DZIP1L: variants seen among roughly 807,000 people sequenced by gnomAD.
DZIP1L encodes the protein cilium assembly protein DZIP1L.
A neutral mutation model predicts 88.7 loss-of-function variants in DZIP1L; 90 were observed. The observed-to-expected ratio is 1.02, with a 90% CI of 0.86 to 1.21. DZIP1L has a LOEUF of 1.21. Ranked by LOEUF, DZIP1L falls within the 50% of genes most tolerant of loss-of-function variation. DZIP1L has a pLI of 0.00. For synonymous variants in DZIP1L, 363 were observed against 372.1 expected (o/e 0.98, Z 0.28); for missense variants, 932 against 955.8 (o/e 0.98, Z 0.33).
intron 5 of DZIP1L, among the ~76,000 whole-genome samples, chr3:138,089,488 G>A (rs1282774133): frequency 6.6e-6 from 1 of 152,154 alleles, no homozygotes; most frequent in Non-Finnish European, 1.5e-5. Context: ...AGGTAATGTA[G>A]CCAAAGTAAG....
Position 138,080,949 on chromosome 3 carries a change from C to T in DZIP1L, c.1235-329G>A, listed in dbSNP as rs75026998. 8.3e-3 allele frequency among the ~76,000 whole-genome samples: 1,262 copies of T among 152,228 alleles called. 18 individuals are homozygous for T. Among genetic ancestry groups the T allele is most frequent in the African/African-American group, 0.029 (1,186 of 41,518 alleles). On this transcript the variant is annotated intron_variant, in intron 9 of 15. Coordinates refer to ENST00000327532, the MANE Select transcript of DZIP1L (RefSeq NM_173543.3). Reference sequence around the variant, plus strand: ...CTGAAGTGGCTGGGGAAGGGTGTGGCACATGTCTATTATCAATGGCTCTGC... The same window carrying T: ...CTGAAGTGGCTGGGGAAGGGTGTGGTACATGTCTATTATCAATGGCTCTGC...
In DZIP1L at chr3:138,095,169, A is replaced by G. The variant is rs571877214; in HGVS notation, c.587-186T>C. 2.5e-4 allele frequency among the ~76,000 whole-genome samples: 38 copies of G among 152,386 alleles called. No homozygotes were observed. The South Asian group carries it at 7.0e-3, about 28-fold the overall frequency. On this transcript the variant is annotated intron_variant, in intron 3 of 15. Transcript: ENST00000327532. ...CCCCAAACTGGAAAATAGAGATAAC[A>G]ATAGCACCTAACTCAGAGGGCTGCT...
At chr3:138,102,161 G>A (rs1414095664) in intron 2 of DZIP1L, 4 of 1,376,300 alleles carry the variant, frequency 2.9e-6, no homozygotes, top group African/African-American at 1.4e-5. Context: ...TGTCCAGGGA[G>A]TGACTGTTGT....
intron 14 of DZIP1L, among the ~76,000 whole-genome samples, chr3:138,066,609 G>C (rs1163604918): frequency 6.6e-6 from 1 of 152,006 alleles, no homozygotes; most frequent in Non-Finnish European, 1.5e-5. Context: ...TCCCTCATCA[G>C]TGCTGTGAGG....
intron 10 of DZIP1L, among the ~76,000 whole-genome samples, chr3:138,078,810 C>G (rs547642404): frequency 6.6e-6 from 1 of 152,356 alleles, no homozygotes; most frequent in Non-Finnish European, 1.5e-5. Flanking sequence ...ACCTGCGGAG[C>G]TTTAAATGCT....
intron 7 of DZIP1L, among the ~76,000 whole-genome samples, chr3:138,085,257 G>C (rs1029594617): frequency 1.3e-5 from 2 of 152,092 alleles, no homozygotes; most frequent in African/African-American, 4.8e-5. Context: ...TTGACAAATG[G>C]GATCTAATTA....
chr3:138,087,599 A>G (rs1052702253), intron 6 of DZIP1L, among the ~76,000 whole-genome samples: 3 of 152,252 alleles, frequency 2.0e-5, no homozygotes, highest in Non-Finnish European at 4.4e-5. Context: ...AAAAGCAGGC[A>G]AAGAATGTGA....
rs761409752 is a variant in DZIP1L at position 138,103,649 on chromosome 3, A to G, written c.323T>C (p.Val108Ala). The change falls in exon 2 of 16, where the codon GTT becomes GCT. Residue 108 changes from valine to alanine, a missense_variant. Physicochemically the swap from Val to Ala is moderately conservative, Grantham distance 64. Coordinates refer to ENST00000327532, the MANE Select transcript of DZIP1L (RefSeq NM_173543.3). The stretch of plus-strand genomic sequence containing the variant: ...CTGCAGCCGTGCCTCCAGCTGGGCA[A>G]CACTGGCACTCAGGCAATCCTGGCA... Reference protein sequence around the residue: ...LHCQDCLSASVAQLEARLQTS... With the variant: ...LHCQDCLSASAAQLEARLQTS... 10 of 1,608,524 alleles carry G rather than the reference A, an allele frequency of 6.2e-6. No homozygotes were observed. In the Admixed American group the frequency reaches 1.7e-4, roughly 27 times the overall value.
intron 14 of DZIP1L, 148 bp downstream of exon 14, chr3:138,067,383 C>A (rs1192448641): frequency 1.5e-5 from 13 of 883,940 alleles, no homozygotes; most frequent in Non-Finnish European, 1.9e-5. Flanking sequence ...CGAAGGAGGA[C>A]CATCCTTTCC....
intron 7 of DZIP1L, 98 bp downstream of exon 7, chr3:138,086,863 G>C (rs1336510471): frequency 1.6e-6 from 2 of 1,268,486 alleles, no homozygotes; most frequent in African/African-American, 1.5e-5. Context: ...TTCCAGGTGA[G>C]ATAGGGGAGA....
intron 7 of DZIP1L, among the ~76,000 whole-genome samples, chr3:138,085,663 T>C (rs1943895990): frequency 6.6e-6 from 1 of 152,226 alleles, no homozygotes; most frequent in African/African-American, 2.4e-5. Context: ...CTGGTGGGAA[T>C]GTAAACTAGT....
chr3:138,102,119 C>A (rs1259988744), intron 2 of DZIP1L: 1 of 1,421,842 alleles, frequency 7.0e-7, no homozygotes. Context: ...TCTCCTTGTA[C>A]TGTGCCTTGA....
intron 1 of DZIP1L, among the ~76,000 whole-genome samples, chr3:138,104,844 G>C (rs995061063): frequency 6.6e-6 from 1 of 152,142 alleles, no homozygotes; most frequent in Non-Finnish European, 1.5e-5. Context: ...GTGAGCATAT[G>C]AACTGTTCTC....
intron 12 of DZIP1L, among the ~76,000 whole-genome samples, chr3:138,070,105 G>A (rs1020575362): frequency 1.3e-5 from 2 of 152,072 alleles, no homozygotes; most frequent in Non-Finnish European, 2.9e-5. Flanking sequence ...CCAGCATTCC[G>A]AGGGTTTTTC....
At chr3:138,091,535 T>C (rs1252312273) in intron 5 of DZIP1L, among the ~76,000 whole-genome samples, 1 of 150,828 alleles carries the variant, frequency 6.6e-6, no homozygotes, top group Non-Finnish European at 1.5e-5. Context: ...CGAGAATCAC[T>C]TGAACCCAGG....
chr3:138,078,618 G>A (rs562576280), intron 10 of DZIP1L, among the ~76,000 whole-genome samples: 18 of 152,318 alleles, frequency 1.2e-4, no homozygotes, highest in African/African-American at 4.1e-4. Flanking sequence ...GGTAACTTGT[G>A]AGATGCAGAT....
At position 138,074,790 on chromosome 3, in the gene DZIP1L, C is replaced by T. The variant is rs529593902; in HGVS notation, c.1422+2709G>A. Among the ~76,000 whole-genome samples the T allele has an allele frequency of 4.7e-5, 7 of 150,072 alleles. No homozygotes were observed. In the South Asian group the frequency reaches 1.5e-3, roughly 31 times the overall value. On this transcript the variant is annotated intron_variant, in intron 11 of 15. Transcript: ENST00000327532. ...AATAGCACAATGAATAGAATAGTAC[C>T]TCACCTCTCAATACTAACATTGAAT...
At chr3:138,076,512 A>AT (rs1943412490) in intron 11 of DZIP1L, among the ~76,000 whole-genome samples, 1 of 152,236 alleles carries the variant, frequency 6.6e-6, no homozygotes, top group African/African-American at 2.4e-5. Flanking sequence ...AACCAGCCTA[A>AT]ATGCCCATCA....
chr3:138,081,800 C>A, intron 8 of DZIP1L, 36 bp from the exon 9 acceptor site: 1 of 1,609,486 alleles, frequency 6.2e-7, no homozygotes, highest in Non-Finnish European at 8.5e-7. Flanking sequence ...TTACAACCAG[C>A]AGAGAACATT....
Sources: allele counts gnomAD v4.1 joint callset (sites outside exome capture counted in the v4.1 genomes callset), GRCh38; gene constraint gnomAD v4.1.1; transcripts MANE v1.5; gene names NCBI Gene and HGNC (gene_info 2026-07-23, HGNC 2026-07-21).